Variants in KHDRBS2 observed in about 807,000 individuals in gnomAD.
The protein encoded by KHDRBS2 is KH RNA binding domain containing, signal transduction associated 2.
A neutral mutation model predicts 44.3 loss-of-function variants in KHDRBS2; 26 were observed. That is an observed-to-expected ratio of 0.59 (90% CI 0.43 to 0.81). KHDRBS2 has a LOEUF of 0.81. Among genes scored for constraint, KHDRBS2 ranks in the 40% least tolerant of loss-of-function variants. The pLI is 0.00. For missense variants in KHDRBS2, 476 were observed against 433.1 expected, an observed-to-expected ratio of 1.10 and a Z score of -0.88; for synonymous variants, 194 against 151.1, an observed-to-expected ratio of 1.28 and a Z score of -2.08.
At chr6:62,090,560 T>A (rs1200342991) in intron 2 of KHDRBS2, among the ~76,000 whole-genome samples, 3 of 119,914 alleles carry the variant, frequency 2.5e-5, no homozygotes, top group African/African-American at 9.8e-5. Flanking sequence ...AGGAAAGGTG[T>A]TTTTTTTTTT....
At chr6:61,628,573 C>T in the KHDRBS2 span, among the ~76,000 whole-genome samples, 1 of 152,150 alleles carries the variant, frequency 6.6e-6, no homozygotes, top group African/African-American at 2.4e-5. Context: ...TACTCTCAAA[C>T]ACTATGGATC....
intron 6 of KHDRBS2, among the ~76,000 whole-genome samples, chr6:61,803,584 C>A (rs897366870): frequency 6.6e-6 from 1 of 152,228 alleles, no homozygotes; most frequent in African/African-American, 2.4e-5. Context: ...TCCATTCTCA[C>A]GCCCTGGAGA....
At chr6:61,604,676 C>T in the KHDRBS2 span, among the ~76,000 whole-genome samples, 1 of 152,190 alleles carries the variant, frequency 6.6e-6, no homozygotes, top group Admixed American at 6.5e-5. Flanking sequence ...GTTCAGGCCC[C>T]CTCCTTTCCC....
chr6:62,180,207 T>C (rs1427731446), intron 1 of KHDRBS2, among the ~76,000 whole-genome samples: 2 of 151,782 alleles, frequency 1.3e-5, no homozygotes, highest in Admixed American at 6.6e-5. Context: ...AGAGCAATTA[T>C]GCAAGGGGAA....
chr6:62,038,909 G>C (rs1295633187), intron 3 of KHDRBS2, among the ~76,000 whole-genome samples: 1 of 151,892 alleles, frequency 6.6e-6, no homozygotes, highest in Non-Finnish European at 1.5e-5. Context: ...CACAGGGTTT[G>C]ACATTAAAAT....
intron 8 of KHDRBS2, among the ~76,000 whole-genome samples, chr6:61,688,128 A>C (rs1309200209): frequency 6.6e-6 from 1 of 151,918 alleles, no homozygotes; most frequent in East Asian, 1.9e-4. Flanking sequence ...TCTGCTGTAT[A>C]GTATCCTGCA....
chr6:61,557,582 C>G, the KHDRBS2 span, among the ~76,000 whole-genome samples: 1 of 152,044 alleles, frequency 6.6e-6, no homozygotes, highest in Non-Finnish European at 1.5e-5. Context: ...GATTATTGGC[C>G]TGTAGTTTTC....
chr6:61,775,599 C>G (rs536702765), intron 6 of KHDRBS2, among the ~76,000 whole-genome samples: 1 of 152,216 alleles, frequency 6.6e-6, no homozygotes, highest in African/African-American at 2.4e-5. Context: ...CGTGAAGGAC[C>G]TCTTCAAGGA....
the KHDRBS2 span, among the ~76,000 whole-genome samples, chr6:61,603,435 C>T: frequency 2.6e-5 from 4 of 152,296 alleles, no homozygotes; most frequent in East Asian, 7.7e-4. Context: ...ACCCATCAGG[C>T]TCAGCAAATT....
intron 4 of KHDRBS2, among the ~76,000 whole-genome samples, chr6:61,954,856 G>GTATATATGTA (rs1562513973): frequency 0.078 from 3,186 of 40,808 alleles, 875 homozygotes; most frequent in African/African-American, 0.3. Context: ...ATATGCATGT[G>GTATATATGTA]TATATACACA....
At chr6:61,740,807 C>T (rs557477823) in intron 6 of KHDRBS2, among the ~76,000 whole-genome samples, 8 of 151,902 alleles carry the variant, frequency 5.3e-5, no homozygotes, top group South Asian at 2.1e-4. Flanking sequence ...AACAGGTAAC[C>T]GTGATACGAT....
At chr6:61,623,449 G>T in the KHDRBS2 span, among the ~76,000 whole-genome samples, 1 of 152,170 alleles carries the variant, frequency 6.6e-6, no homozygotes, top group Non-Finnish European at 1.5e-5. Context: ...TGCCTTCTGA[G>T]AAACAGCTCC....
intron 6 of KHDRBS2, among the ~76,000 whole-genome samples, chr6:61,858,270 T>C (rs1367705519): frequency 6.6e-6 from 1 of 151,744 alleles, no homozygotes; most frequent in African/African-American, 2.4e-5. Flanking sequence ...AACTATATAA[T>C]GTAATTCAAC....
intron 4 of KHDRBS2, among the ~76,000 whole-genome samples, chr6:61,915,689 C>G (rs1190978224): frequency 1.3e-5 from 2 of 151,988 alleles, no homozygotes; most frequent in Non-Finnish European, 2.9e-5. Context: ...TTTTTAAAAA[C>G]CAGATTTAAA....
intron 2 of KHDRBS2, among the ~76,000 whole-genome samples, chr6:62,079,037 C>CCCA: frequency 6.6e-6 from 1 of 152,030 alleles, no homozygotes; most frequent in East Asian, 1.9e-4. Context: ...GGTAGCAAAG[C>CCCA]CCACTAGAAA....
chr6:62,092,201 T>G (rs1799619538), intron 2 of KHDRBS2, among the ~76,000 whole-genome samples: 1 of 152,042 alleles, frequency 6.6e-6, no homozygotes, highest in South Asian at 2.1e-4. Flanking sequence ...TTCCCCTTCA[T>G]GTCAGACAGT....
chr6:61,967,957 T>TATATATATAC (rs1228663590), intron 4 of KHDRBS2, among the ~76,000 whole-genome samples: 9 of 73,588 alleles, frequency 1.2e-4, no homozygotes, highest in African/African-American at 3.7e-4. Context: ...TATATATATA[T>TATATATATAC]ACACACACAC....
the KHDRBS2 span, among the ~76,000 whole-genome samples, chr6:61,568,832 G>C: frequency 2.0e-5 from 3 of 152,308 alleles, no homozygotes; most frequent in South Asian, 4.1e-4. Context: ...AGGCAGCAAG[G>C]GTAACTAGAA....
chr6:62,194,417 T>C (rs904553500), intron 1 of KHDRBS2, among the ~76,000 whole-genome samples: 2 of 150,654 alleles, frequency 1.3e-5, no homozygotes, highest in African/African-American at 2.5e-5. Flanking sequence ...TTCTAAGCAA[T>C]TATATTGATC....
Sources: allele counts gnomAD v4.1 joint callset (sites outside exome capture counted in the v4.1 genomes callset), GRCh38; gene constraint gnomAD v4.1.1; transcripts MANE v1.5; gene names NCBI Gene and HGNC (gene_info 2026-07-23, HGNC 2026-07-21).